Variants in CHST11 observed in about 807,000 individuals in gnomAD.
The protein encoded by CHST11 is C4S-1.
Under a neutral mutation model 30.4 loss-of-function variants are expected in CHST11, and 9 were observed. That is an observed-to-expected ratio of 0.30 (90% CI 0.18 to 0.52). The LOEUF is 0.52. CHST11 is among the 20% of genes least tolerant of loss of function. The probability of loss-of-function intolerance (pLI) is 0.97; values close to 1 mark genes in which losing one functional copy is unlikely to be tolerated. For missense variants in CHST11, 348 were observed against 460.6 expected (o/e 0.76, Z 2.24); for synonymous variants, 152 against 187.8 (o/e 0.81, Z 1.56).
chr12:104,458,756 G>A lies in CHST11; in HGVS notation c.118+1227G>A, dbSNP rs2037380777. 1.3e-5 allele frequency among the ~76,000 whole-genome samples: 2 copies of A among 152,260 alleles called. No individual in the cohort carries two copies. The highest frequency in any genetic ancestry group is 4.8e-5 in the African/African-American group (2 of 41,468). ...AATTTGCTTTTCTAATTGCAAGGAGGAGGGAGGTGGAAACGCATTTCCTTC... is the reference window on the plus strand; with the variant it reads ...AATTTGCTTTTCTAATTGCAAGGAGAAGGGAGGTGGAAACGCATTTCCTTC... On this transcript the variant is annotated intron_variant, in intron 1 of 2. Transcript: ENST00000303694. The surrounding 1 kb of genome is among the most constrained non-coding windows in gnomAD (Gnocchi z 5.7).
chr12:104,658,851 T>G (rs1312909613), intron 2 of CHST11, among the ~76,000 whole-genome samples: 1 of 152,250 alleles, frequency 6.6e-6, no homozygotes, highest in Non-Finnish European at 1.5e-5. Flanking sequence ...TAGGCTCTAT[T>G]GCCGTTCTCA....
intron 2 of CHST11, among the ~76,000 whole-genome samples, chr12:104,639,327 G>T (rs956692214): frequency 1.3e-5 from 2 of 152,178 alleles, no homozygotes; most frequent in South Asian, 4.1e-4. Context: ...TATATAAATA[G>T]CATCAATCCT....
intron 1 of CHST11, among the ~76,000 whole-genome samples, chr12:104,570,708 T>G (rs1429468424): frequency 6.6e-6 from 1 of 151,704 alleles, no homozygotes; most frequent in African/African-American, 2.4e-5. Context: ...TTTTTTTTTT[T>G]GAGACTGAGT....
chr12:104,528,522 T>C (rs921340590), intron 1 of CHST11, among the ~76,000 whole-genome samples: 4 of 152,184 alleles, frequency 2.6e-5, no homozygotes, highest in South Asian at 4.1e-4. Context: ...AGAACCATCA[T>C]GAGTTCACTG....
At chr12:104,696,876 T>C (rs936799657) in intron 2 of CHST11, among the ~76,000 whole-genome samples, 1 of 152,240 alleles carries the variant, frequency 6.6e-6, no homozygotes, top group Non-Finnish European at 1.5e-5. Flanking sequence ...GGTGCTATCA[T>C]ACTGAATATA....
chr12:104,573,420 G>T (rs1380769409), intron 1 of CHST11, among the ~76,000 whole-genome samples: 1 of 152,016 alleles, frequency 6.6e-6, no homozygotes, highest in African/African-American at 2.4e-5. Context: ...TAAGCCAAAA[G>T]AACAAAGCTG....
intron 2 of CHST11, among the ~76,000 whole-genome samples, chr12:104,679,931 G>A (rs972345913): frequency 6.6e-6 from 1 of 152,168 alleles, no homozygotes; most frequent in African/African-American, 2.4e-5. Context: ...TGTTTTTGTT[G>A]TTGGTTTGTT....
intron 2 of CHST11, among the ~76,000 whole-genome samples, chr12:104,670,066 A>C (rs1183090293): frequency 6.6e-6 from 1 of 152,250 alleles, no homozygotes; most frequent in Non-Finnish European, 1.5e-5. Flanking sequence ...CTAAGCCAAC[A>C]GCTGGACAGA....
At chr12:104,493,396 C>T (rs1367692568) in intron 1 of CHST11, among the ~76,000 whole-genome samples, 2 of 151,942 alleles carry the variant, frequency 1.3e-5, no homozygotes, top group Non-Finnish European at 2.9e-5. Context: ...CTTTAATAGA[C>T]ATAGGTGTTC....
intron 2 of CHST11, among the ~76,000 whole-genome samples, chr12:104,646,250 C>T (rs997838100): frequency 2.0e-5 from 3 of 152,204 alleles, no homozygotes; most frequent in African/African-American, 4.8e-5. Flanking sequence ...CTCCTTTTCT[C>T]TCTTGCTGCA....
intron 2 of CHST11, among the ~76,000 whole-genome samples, chr12:104,699,275 C>G (rs1329018285): frequency 1.3e-5 from 2 of 152,086 alleles, no homozygotes; most frequent in Admixed American, 6.6e-5. Context: ...TGACTGAGCT[C>G]TAGAAATTTT....
intron 1 of CHST11, among the ~76,000 whole-genome samples, chr12:104,541,537 A>G (rs1377077229): frequency 6.6e-6 from 1 of 152,018 alleles, no homozygotes; most frequent in Non-Finnish European, 1.5e-5. Flanking sequence ...CATTTTTTAA[A>G]TGTCTGTGGT....
intron 1 of CHST11, among the ~76,000 whole-genome samples, chr12:104,531,465 C>CAAAA (rs1439489189): frequency 8.3e-6 from 1 of 119,892 alleles, no homozygotes; most frequent in African/African-American, 3.3e-5. Flanking sequence ...ATCCTGTGTC[C>CAAAA]AAAAAAAAAA....
chr12:104,684,594 C>T (rs4964828), intron 2 of CHST11, among the ~76,000 whole-genome samples: 78,783 of 152,118 alleles, frequency 0.52, 21,750 homozygotes, highest in Non-Finnish European at 0.62. Flanking sequence ...GTTACCCAGG[C>T]TGGAGTGCAG....
At chr12:104,734,388 G>C (rs1264667120) in intron 2 of CHST11, among the ~76,000 whole-genome samples, 1 of 152,200 alleles carries the variant, frequency 6.6e-6, no homozygotes, top group Non-Finnish European at 1.5e-5. Context: ...GTAGGCACAA[G>C]ATGAATGTCA....
chr12:104,641,953 T>A (rs1214405328), intron 2 of CHST11, among the ~76,000 whole-genome samples: 1 of 152,166 alleles, frequency 6.6e-6, no homozygotes, highest in African/African-American at 2.4e-5. Flanking sequence ...TTTGGCAACA[T>A]CCGAAGATAG....
intron 2 of CHST11, among the ~76,000 whole-genome samples, chr12:104,714,114 G>A (rs2040110140): frequency 6.6e-6 from 1 of 152,220 alleles, no homozygotes; most frequent in Non-Finnish European, 1.5e-5. Context: ...GGTTGTACAA[G>A]CACATGGATG....
At chr12:104,714,934 C>T (rs1163178790) in intron 2 of CHST11, among the ~76,000 whole-genome samples, 1 of 152,150 alleles carries the variant, frequency 6.6e-6, no homozygotes, top group Non-Finnish European at 1.5e-5. Context: ...GATCCAGACC[C>T]GAAGCAAGCT....
At chr12:104,688,915 G>A (rs2039872384) in intron 2 of CHST11, among the ~76,000 whole-genome samples, 1 of 152,244 alleles carries the variant, frequency 6.6e-6, no homozygotes, top group Non-Finnish European at 1.5e-5. Flanking sequence ...GAGCCCAGGA[G>A]TTCGAGACCA....
Sources: allele counts gnomAD v4.1 joint callset (sites outside exome capture counted in the v4.1 genomes callset), GRCh38; gene constraint gnomAD v4.1.1; non-coding constraint Gnocchi (gnomAD v3.1); transcripts MANE v1.5; gene names NCBI Gene and HGNC (gene_info 2026-07-23, HGNC 2026-07-21).